Variants in GRM1 observed in about 807,000 individuals in gnomAD.
GRM1 encodes glutamate metabotropic receptor 1.
Under a neutral mutation model 90.9 loss-of-function variants are expected in GRM1, and 33 were observed. That is an observed-to-expected ratio of 0.36 (90% CI 0.28 to 0.49). The LOEUF (loss-of-function observed/expected upper bound fraction) is 0.49. GRM1 is among the 20% of genes least tolerant of loss of function. GRM1 has a pLI of 0.99. For synonymous variants in GRM1, 700 were observed against 613.2 expected (o/e 1.14, Z -2.09); for missense variants, 1,190 against 1,534.3 (o/e 0.78, Z 3.75).
chr6:146,222,033 A>G (rs1780081025), intron 2 of GRM1, among the ~76,000 whole-genome samples: 1 of 152,082 alleles, frequency 6.6e-6, no homozygotes, highest in Non-Finnish European at 1.5e-5. Context: ...ACCCTACTCT[A>G]TAGAGAAACT....
chr6:146,373,113 A>G (rs1775964056), intron 5 of GRM1, among the ~76,000 whole-genome samples: 1 of 152,028 alleles, frequency 6.6e-6, no homozygotes, highest in African/African-American at 2.4e-5. Flanking sequence ...AAATTTTTCA[A>G]TTTTTGGGTG....
In GRM1 at chr6:146,434,161, A is replaced by T. The variant is rs1210336096; in HGVS notation, c.2950A>T (p.Ser984Cys). The T allele has an allele frequency of 6.2e-7, 1 of 1,613,752 alleles. No individual in the cohort carries two copies. The change falls in exon 8 of 8, where the codon AGC becomes TGC. Residue 984 changes from serine (S) to cysteine (C), a missense_variant. Transcript: ENST00000282753. ...CATGGTGGTGCACAGGCGCGTGCCA[A>T]GCGCGGCGACCACTCCGCCTCTGCC... ...PSMVVHRRVP[S>C]AATTPPLPSH... is the part of the protein sequence containing the mutation.
intron 2 of GRM1, among the ~76,000 whole-genome samples, chr6:146,183,511 T>C (rs749012899): frequency 2.6e-5 from 4 of 152,086 alleles, no homozygotes; most frequent in Non-Finnish European, 4.4e-5. Context: ...GATAACACAG[T>C]AAAGTAAAAA....
At chr6:146,226,603 G>C (rs1780248523) in intron 2 of GRM1, among the ~76,000 whole-genome samples, 1 of 152,074 alleles carries the variant, frequency 6.6e-6, no homozygotes, top group South Asian at 2.1e-4. Context: ...AATTGGGTGT[G>C]CATTATTTCT....
At chr6:146,108,183 G>C (rs563966434) in intron 1 of GRM1, among the ~76,000 whole-genome samples, 2 of 152,152 alleles carry the variant, frequency 1.3e-5, no homozygotes, top group Admixed American at 1.3e-4. Flanking sequence ...ATATGTTCAC[G>C]CTGAAATTTG....
At chr6:146,415,703 A>AT (rs1446314574) in intron 7 of GRM1, among the ~76,000 whole-genome samples, 1 of 152,094 alleles carries the variant, frequency 6.6e-6, no homozygotes, top group African/African-American at 2.4e-5. Flanking sequence ...TATCATTTTC[A>AT]TTATTCAAAA....
chr6:146,366,070 G>GGACCTATTGGTCA (rs1775675120), intron 5 of GRM1, among the ~76,000 whole-genome samples: 1 of 152,036 alleles, frequency 6.6e-6, no homozygotes, highest in Non-Finnish European at 1.5e-5. Flanking sequence ...AGTATGTTTT[G>GGACCTATTGGTCA]TTCACTGATT....
chr6:146,150,929 C>T (rs111235422), intron 1 of GRM1, among the ~76,000 whole-genome samples: 13 of 110,832 alleles, frequency 1.2e-4, no homozygotes, highest in East Asian at 5.3e-4. Context: ...CACACACACG[C>T]GTGTGCGCGC....
At position 146,375,522 on chromosome 6, in the gene GRM1, G is replaced by A. The variant is rs549993901; in HGVS notation, c.1603-11368G>A. Among the ~76,000 whole-genome samples the A allele has an allele frequency of 2.6e-3, 388 of 151,816 alleles. 12 individuals are homozygous for A. The highest frequency in any genetic ancestry group is 3.4e-3 in the Middle Eastern group (1 of 294). On this transcript the variant is annotated intron_variant, in intron 5 of 7. Coordinates refer to ENST00000282753, the MANE Select transcript of GRM1 (RefSeq NM_001278064.2). ...AAATCTCCAGTCATTATTGTATTGG[G>A]GCCTGTCTCTCTCTATAGCTCTAAT...
In GRM1 at chr6:146,029,643, C is replaced by G. The variant is rs768976909; in HGVS notation, c.126C>G (p.Asp42Glu). 4.3e-6 allele frequency: 7 copies of G among 1,614,022 alleles called. No homozygotes were observed. Among genetic ancestry groups the G allele is most frequent in the Non-Finnish European group, 8.5e-7 (1 of 1,179,984 alleles). The change falls in exon 1 of 8, where the codon GAC becomes GAG. Residue 42 changes from aspartate to glutamate, a missense_variant. By Grantham distance (45) the Asp-to-Glu change is conservative (BLOSUM62 2). Coordinates refer to ENST00000282753, the MANE Select transcript of GRM1 (RefSeq NM_001278064.2). ...ASSQRSVARM[D>E]GDVIIGALFS... ...CTCAGCGCTCGGTGGCCAGAATGGA[C>G]GGAGATGTCATCATTGGAGCCCTCT...
At chr6:146,430,326 C>G (rs576545561) in intron 7 of GRM1, among the ~76,000 whole-genome samples, 1 of 152,328 alleles carries the variant, frequency 6.6e-6, no homozygotes, top group East Asian at 1.9e-4. Context: ...TATACATTAT[C>G]CTATACATCC....
At chr6:146,081,095 G>A (rs1776350497) in intron 1 of GRM1, among the ~76,000 whole-genome samples, 1 of 152,140 alleles carries the variant, frequency 6.6e-6, no homozygotes, top group African/African-American at 2.4e-5. Flanking sequence ...TCTCAGCAAA[G>A]CATCATTTAA....
chr6:146,300,374 G>A (rs1783330681), intron 2 of GRM1, among the ~76,000 whole-genome samples: 3 of 152,086 alleles, frequency 2.0e-5, no homozygotes, highest in South Asian at 2.1e-4. Flanking sequence ...TGTAATTGGT[G>A]GAAGCAGAAA....
At chr6:146,404,784 A>G (rs1777279614) in intron 7 of GRM1, among the ~76,000 whole-genome samples, 1 of 152,230 alleles carries the variant, frequency 6.6e-6, no homozygotes, top group East Asian at 1.9e-4. Flanking sequence ...TACTTTTTCT[A>G]TAAATCACAA....
At chr6:146,052,794 C>T (rs1463868267) in intron 1 of GRM1, among the ~76,000 whole-genome samples, 1 of 151,898 alleles carries the variant, frequency 6.6e-6, no homozygotes, top group Non-Finnish European at 1.5e-5. Flanking sequence ...TATCCTGTTG[C>T]TTTGTTGTGT....
At chr6:146,318,717 C>T (rs1215701229) in intron 3 of GRM1, among the ~76,000 whole-genome samples, 1 of 152,182 alleles carries the variant, frequency 6.6e-6, no homozygotes, top group African/African-American at 2.4e-5. Context: ...GAGATGGTAT[C>T]TCATTGAGGT....
intron 2 of GRM1, among the ~76,000 whole-genome samples, chr6:146,162,676 A>G (rs958683301): frequency 1.3e-5 from 2 of 152,196 alleles, no homozygotes; most frequent in Admixed American, 6.5e-5. Flanking sequence ...AAAGGCCTTC[A>G]AAGCTCCATA....
intron 7 of GRM1, 141 bp from the exon 8 acceptor site, chr6:146,433,731 A>G (rs1224845937): frequency 1.5e-6 from 1 of 679,206 alleles, no homozygotes; most frequent in Admixed American, 2.2e-5. Context: ...TTGTAAGAGG[A>G]GGTATGGGGT....
intron 1 of GRM1, among the ~76,000 whole-genome samples, chr6:146,101,708 G>C (rs989334470): frequency 5.3e-5 from 8 of 151,928 alleles, no homozygotes; most frequent in African/African-American, 1.7e-4. Context: ...AGTATTAATA[G>C]TAGCCATAGT....
Sources: gnomAD v4.1 joint callset for allele counts (sites outside exome capture counted in the v4.1 genomes callset) on GRCh38, gnomAD v4.1.1 for gene constraint, MANE v1.5 for transcripts, NCBI Gene and HGNC (gene_info 2026-07-23, HGNC 2026-07-21) for gene names.